The following WNT7A variants were observed in gnomAD, a reference collection of about 807,000 sequenced individuals.
The protein encoded by WNT7A is Wnt family member 7A.
WNT7A carries 16 observed loss-of-function variants against 28.2 expected under a neutral mutation model. That is an observed-to-expected ratio of 0.57 (90% CI 0.38 to 0.86). The LOEUF is 0.86. WNT7A is among the 40% of genes least tolerant of loss of function. The probability of loss-of-function intolerance (pLI) is 0.00; values close to 1 mark genes in which losing one functional copy is unlikely to be tolerated. For synonymous variants in WNT7A, 190 were observed against 195.9 expected (o/e 0.97, Z 0.25); for missense variants, 411 against 489.7 (o/e 0.84, Z 1.52).
In WNT7A at chr3:13,844,254, T is replaced by G. The variant is rs149804225; in HGVS notation, c.570+10278A>C. ...CACTGAACTGCTCTGTGCCTTCAGT[T>G]TTCTTCATCTGTCAAGCAGGAATGA... On this transcript the variant is annotated intron_variant, in intron 3 of 3. Transcript: ENST00000285018. 3.7e-3 allele frequency among the ~76,000 whole-genome samples: 567 copies of G among 152,224 alleles called. 5 individuals are homozygous for G. The highest frequency in any genetic ancestry group is 0.013 in the African/African-American group (535 of 41,530).
chr3:13,841,415 GAGTTC>G (rs1186064873), intron 3 of WNT7A, among the ~76,000 whole-genome samples: 2 of 152,252 alleles, frequency 1.3e-5, no homozygotes, highest in African/African-American at 4.8e-5. Context: ...TGGACTGCCT[GAGTTC>G]ATATCCTGGC....
At chr3:13,827,233 G>A (rs576688020) in intron 3 of WNT7A, among the ~76,000 whole-genome samples, 6 of 152,310 alleles carry the variant, frequency 3.9e-5, no homozygotes, top group African/African-American at 1.2e-4. Flanking sequence ...TGCTGGTGAG[G>A]TAATGAGCTC....
intron 3 of WNT7A, among the ~76,000 whole-genome samples, chr3:13,821,032 C>T (rs1197693899): frequency 6.6e-6 from 1 of 152,256 alleles, no homozygotes; most frequent in Non-Finnish European, 1.5e-5. Flanking sequence ...TCCCACAAAT[C>T]TGTGTCCCCA....
chr3:13,819,085 G>C lies in WNT7A; in HGVS notation c.909C>G (p.Gly303=). 6.2e-7 allele frequency: 1 copy of C among 1,614,164 alleles called. No homozygotes were observed. Among genetic ancestry groups the C allele is most frequent in the Non-Finnish European group, 8.5e-7 (1 of 1,180,022 alleles). ...ACNKTAPQAS[G]CDLMCCGRGY... is the part of the protein sequence containing the mutation. ...CACGCCCACAGCACATGAGGTCACA[G>C]CCGCTGGCCTGGGGAGCCGTCTTGT... The change falls in exon 4 of 4, where the codon GGC becomes GGG. Residue 303 remains glycine (G), a synonymous_variant. Transcript: ENST00000285018.
chr3:13,868,724 GAAAGAA>G (rs1553576801), intron 2 of WNT7A, among the ~76,000 whole-genome samples: 2 of 133,460 alleles, frequency 1.5e-5, no homozygotes, highest in African/African-American at 2.9e-5. Context: ...AAGAAAGAAA[GAAAGAA>G]AGAAAGAAGA....
chr3:13,822,805 T>C (rs116274247), intron 3 of WNT7A, among the ~76,000 whole-genome samples: 2,469 of 152,292 alleles, frequency 0.016, 63 homozygotes, highest in African/African-American at 0.056. Context: ...AAGGCTTGCA[T>C]GTATTTCCAT....
At chr3:13,868,704 GA>G (rs1694961661) in intron 2 of WNT7A, among the ~76,000 whole-genome samples, 1 of 30,964 alleles carries the variant, frequency 3.2e-5, no homozygotes, top group African/African-American at 9.8e-5. Context: ...AAGAAAGAAA[GA>G]AAGAAAGAAA....
chr3:13,837,727 C>T (rs1353382606), intron 3 of WNT7A, among the ~76,000 whole-genome samples: 1 of 152,152 alleles, frequency 6.6e-6, no homozygotes, highest in Non-Finnish European at 1.5e-5. Flanking sequence ...GGAGGAAGGA[C>T]CCAGGAGCCG....
chr3:13,860,925 A>C (rs1409246291), intron 2 of WNT7A, among the ~76,000 whole-genome samples: 1 of 152,214 alleles, frequency 6.6e-6, no homozygotes, highest in Non-Finnish European at 1.5e-5. Flanking sequence ...AGACATACAA[A>C]ATGTTTCTTA....
chr3:13,845,033 C>T (rs1029730835), intron 3 of WNT7A, among the ~76,000 whole-genome samples: 4 of 152,220 alleles, frequency 2.6e-5, no homozygotes, highest in African/African-American at 9.6e-5. Flanking sequence ...TGTAACTGAG[C>T]CCCTGACTCT....
chr3:13,846,790 C>A (rs1017656283), intron 3 of WNT7A, among the ~76,000 whole-genome samples: 1 of 152,168 alleles, frequency 6.6e-6, no homozygotes, highest in Non-Finnish European at 1.5e-5. Flanking sequence ...GATGGTGACA[C>A]CTTCCTGAGG....
chr3:13,847,809 G>C (rs1694564885), intron 3 of WNT7A, among the ~76,000 whole-genome samples: 1 of 152,048 alleles, frequency 6.6e-6, no homozygotes, highest in Admixed American at 6.5e-5. Context: ...CTGGGGTGGG[G>C]CGGGGGGACA....
chr3:13,871,900 G>A (rs1380635439), intron 2 of WNT7A, among the ~76,000 whole-genome samples: 2 of 152,120 alleles, frequency 1.3e-5, no homozygotes, highest in Non-Finnish European at 2.9e-5. Context: ...CCTGGCCTGA[G>A]GGATGCTGCA....
chr3:13,824,917 C>T (rs186881797), intron 3 of WNT7A, among the ~76,000 whole-genome samples: 3 of 152,236 alleles, frequency 2.0e-5, no homozygotes, highest in African/African-American at 7.2e-5. Flanking sequence ...TAAATTACGG[C>T]ACATCTATGA....
At position 13,816,541 on chromosome 3, in the gene WNT7A, G is replaced by A. The variant is rs1439033968; in HGVS notation, c.*2403C>T. 1.3e-5 allele frequency: 2 copies of A among 152,378 alleles called. No individual in the cohort carries two copies. Among genetic ancestry groups the A allele is most frequent in the Non-Finnish European group, 2.9e-5 (2 of 68,104 alleles). The allele number at this position is 152,378 out of a possible 1,614,324, so 9.4% of individuals were successfully genotyped here. A position where few individuals can be genotyped will look rare whatever the true frequency, so the allele number is the denominator to read the frequency against. On this transcript the variant is annotated 3_prime_UTR_variant, in exon 4 of 4. Coordinates refer to ENST00000285018, the MANE Select transcript of WNT7A (RefSeq NM_004625.4). ...TCCCCCATTCCCAGGTGCCAAGGAGGTCAGAAGCAGAAGGGTTGCAAGGTC... is the reference window on the plus strand; with the variant it reads ...TCCCCCATTCCCAGGTGCCAAGGAGATCAGAAGCAGAAGGGTTGCAAGGTC...
intron 3 of WNT7A, among the ~76,000 whole-genome samples, chr3:13,828,912 A>G (rs1459402637): frequency 6.6e-6 from 1 of 152,154 alleles, no homozygotes; most frequent in Non-Finnish European, 1.5e-5. Context: ...CTCAGTTCAA[A>G]TCCCATCCCT....
chr3:13,872,615 C>T (rs962664144), intron 2 of WNT7A, among the ~76,000 whole-genome samples: 1 of 152,212 alleles, frequency 6.6e-6, no homozygotes, highest in Non-Finnish European at 1.5e-5. Flanking sequence ...CCACCTCTGC[C>T]TGCCAAGCCC....
At chr3:13,856,965 GA>G (rs1559303385) in intron 2 of WNT7A, among the ~76,000 whole-genome samples, 61 of 122,628 alleles carry the variant, frequency 5.0e-4, no homozygotes, top group Non-Finnish European at 7.2e-4. Flanking sequence ...AGAAGAAGAA[GA>G]AGGAGAAGAA....
At chr3:13,856,890 G>GAA (rs1199514260) in intron 2 of WNT7A, among the ~76,000 whole-genome samples, 1 of 69,156 alleles carries the variant, frequency 1.4e-5, no homozygotes, top group African/African-American at 7.9e-5. Flanking sequence ...GGAAGAAGAA[G>GAA]AAAAAGAAGA....
Sources: gnomAD v4.1 joint callset for allele counts (sites outside exome capture counted in the v4.1 genomes callset) on GRCh38, gnomAD v4.1.1 for gene constraint, MANE v1.5 for transcripts, NCBI Gene and HGNC (gene_info 2026-07-23, HGNC 2026-07-21) for gene names.